The following RPTOR variants were observed in gnomAD, a reference collection of about 807,000 sequenced individuals.
The protein encoded by RPTOR is regulatory associated protein of MTOR complex 1.
In RPTOR, 21 loss-of-function variants were observed where a neutral mutation model predicts 169.9. The observed-to-expected ratio is 0.12, with a 90% CI of 0.09 to 0.18. The LOEUF is 0.18. Ranked by LOEUF, RPTOR falls within the 10% of genes least tolerant of loss-of-function variation. RPTOR has a pLI of 1.00. For synonymous variants in RPTOR, 732 were observed against 753.2 expected, an observed-to-expected ratio of 0.97 and a Z score of 0.46; for missense variants, 1,133 against 1,855.9, an observed-to-expected ratio of 0.61 and a Z score of 7.16.
intron 8 of RPTOR, among the ~76,000 whole-genome samples, 172 bp from the exon 9 acceptor site, chr17:80,822,907 A>ATGTTTAAGTGTGTGTACGTGTG (rs1166166763): frequency 6.6e-6 from 1 of 151,972 alleles, no homozygotes; most frequent in Non-Finnish European, 1.5e-5. Context: ...ACGTGTGTGT[A>ATGTTTAAGTGTGTGTACGTGTG]TGTTTAAGTG....
chr17:80,924,469 G>A (rs966788013), intron 23 of RPTOR, among the ~76,000 whole-genome samples: 2 of 152,170 alleles, frequency 1.3e-5, no homozygotes, highest in African/African-American at 2.4e-5. Flanking sequence ...GAACGGCCAT[G>A]TTGGGGTAGA....
intron 24 of RPTOR, among the ~76,000 whole-genome samples, chr17:80,929,363 G>A (rs1252847951): frequency 6.6e-6 from 1 of 152,270 alleles, no homozygotes; most frequent in Non-Finnish European, 1.5e-5. Context: ...TGGAGTTGGA[G>A]CCAGGCAAGG....
rs181675590 is a variant in RPTOR at position 80,693,605 on chromosome 17, G to A, written c.349-14236G>A. On this transcript the variant is annotated intron_variant, in intron 3 of 33. Transcript: ENST00000306801. ...GGCAGACACGTGTTGAGAACATTAC[G>A]AGTTACTGTGACCTTGTAGTCCCTT... 1.9e-3 allele frequency among the ~76,000 whole-genome samples: 297 copies of A among 152,310 alleles called. 1 individual carries two copies. Among genetic ancestry groups the A allele is most frequent in the Non-Finnish European group, 3.6e-3 (244 of 68,024 alleles).
At chr17:80,676,182 C>T (rs1409152908) in intron 3 of RPTOR, among the ~76,000 whole-genome samples, 6 of 152,066 alleles carry the variant, frequency 3.9e-5, no homozygotes, top group African/African-American at 9.7e-5. Flanking sequence ...AGGAGTTTGT[C>T]GTGTTTATGC....
At chr17:80,546,381 C>T (rs2084275018) in intron 1 of RPTOR, among the ~76,000 whole-genome samples, 1 of 152,174 alleles carries the variant, frequency 6.6e-6, no homozygotes. Context: ...AACAGGATTT[C>T]TTTAATCGTG....
intron 20 of RPTOR, among the ~76,000 whole-genome samples, chr17:80,906,881 G>A (rs535440981): frequency 4.6e-5 from 7 of 152,204 alleles, no homozygotes; most frequent in Admixed American, 1.3e-4. Flanking sequence ...CAGGAGCCAC[G>A]GGCATGGGGC....
In RPTOR at chr17:80,646,403, C is replaced by T. The variant is rs562257321; in HGVS notation, c.348+2593C>T. 3.3e-5 allele frequency among the ~76,000 whole-genome samples: 5 copies of T among 152,244 alleles called. No homozygotes were observed. The highest frequency in any genetic ancestry group is 5.9e-5 in the Non-Finnish European group (4 of 68,028). On this transcript the variant is annotated intron_variant, in intron 3 of 33. Transcript: ENST00000306801. This position sits in a 1 kb window ranked among gnomAD's most constrained non-coding sequence, Gnocchi z 5.0. ...TAATAATAGCACTTGCCCCGGTGCGCGTGGCACACTGCTCCTCACAGCTTT... is the reference window on the plus strand; with the variant it reads ...TAATAATAGCACTTGCCCCGGTGCGTGTGGCACACTGCTCCTCACAGCTTT...
In RPTOR at chr17:80,860,876, T is replaced by A. The variant is rs2067910497; in HGVS notation, c.1509+2976T>A. ...CGGGTCGGCTACCGTGCTTGCCATC[T>A]CTCCCAGCTGCTCCTGATTTCCTGA... On this transcript the variant is annotated intron_variant, in intron 13 of 33. Coordinates refer to ENST00000306801, the MANE Select transcript of RPTOR (RefSeq NM_020761.3). This position sits in a 1 kb window ranked among gnomAD's most constrained non-coding sequence, Gnocchi z 5.8. 6.9e-6 allele frequency among the ~76,000 whole-genome samples: 1 copy of A among 145,500 alleles called. No homozygotes were observed. The highest frequency in any genetic ancestry group is 1.6e-5 in the Non-Finnish European group (1 of 64,342).
At chr17:80,889,756 A>T (rs2143860208) in intron 17 of RPTOR, among the ~76,000 whole-genome samples, 1 of 152,328 alleles carries the variant, frequency 6.6e-6, no homozygotes, top group East Asian at 1.9e-4. Flanking sequence ...TGTGCCAGGC[A>T]GCAGCCTCCA....
chr17:80,927,330 C>T (rs1366179378), intron 24 of RPTOR, among the ~76,000 whole-genome samples: 5 of 152,176 alleles, frequency 3.3e-5, no homozygotes, highest in Non-Finnish European at 7.3e-5. Flanking sequence ...GTCTGGTCTT[C>T]GCTCTTGCTG....
rs185948945 is a variant in RPTOR, at chr17:80,646,519, C to T, written c.348+2709C>T. On this transcript the variant is annotated intron_variant, in intron 3 of 33. Coordinates refer to ENST00000306801, the MANE Select transcript of RPTOR (RefSeq NM_020761.3). This position sits in a 1 kb window ranked among gnomAD's most constrained non-coding sequence, Gnocchi z 5.0. ...ACCTCATGCTGCCTTCTAGAGTTTG[C>T]ATGAAACAGGAGGCACTTAGCAAAC... Among the ~76,000 whole-genome samples the T allele has an allele frequency of 1.3e-5, 2 of 152,310 alleles. No homozygotes were observed. The highest frequency in any genetic ancestry group is 3.9e-4 in the East Asian group (2 of 5,188).
At chr17:80,884,049 C>A in intron 16 of RPTOR, 77 bp downstream of exon 16, 2 of 1,429,804 alleles carry the variant, frequency 1.4e-6, no homozygotes. Context: ...TGCTCGCGTG[C>A]GGGTGTGGCC....
intron 1 of RPTOR, among the ~76,000 whole-genome samples, chr17:80,567,348 C>G (rs1053669798): frequency 6.6e-6 from 1 of 151,610 alleles, no homozygotes; most frequent in African/African-American, 2.4e-5. Flanking sequence ...TAAGTTATCA[C>G]AGTGTACCTT....
chr17:80,628,073 G>A (rs1223417846), intron 2 of RPTOR, among the ~76,000 whole-genome samples: 1 of 152,036 alleles, frequency 6.6e-6, no homozygotes, highest in Non-Finnish European at 1.5e-5. Context: ...CCCGACCTCA[G>A]GTGATCCACC....
intron 24 of RPTOR, among the ~76,000 whole-genome samples, chr17:80,928,942 C>A (rs1383231003): frequency 1.3e-5 from 2 of 152,150 alleles, no homozygotes; most frequent in Non-Finnish European, 2.9e-5. Context: ...TTGCTTAGGG[C>A]AATTAAGCAG....
rs1225413868 is a variant in RPTOR, at chr17:80,708,448, C to T, written c.507+449C>T. On this transcript the variant is annotated intron_variant, in intron 4 of 33. Coordinates refer to ENST00000306801, the MANE Select transcript of RPTOR (RefSeq NM_020761.3). The surrounding 1 kb of genome is among the most constrained non-coding windows in gnomAD (Gnocchi z 4.2). ...GGTGCAGGCTCTGGGCTTCCCTCCTCAAGGTCAGAATCACCAGCCTTTTGC... is the reference window on the plus strand; with the variant it reads ...GGTGCAGGCTCTGGGCTTCCCTCCTTAAGGTCAGAATCACCAGCCTTTTGC... Among the ~76,000 whole-genome samples the T allele has an allele frequency of 1.3e-5, 2 of 152,234 alleles. No individual in the cohort carries two copies. Among genetic ancestry groups the T allele is most frequent in the African/African-American group, 4.8e-5 (2 of 41,446 alleles).
chr17:80,847,458 T>A (rs2067744666), intron 11 of RPTOR, among the ~76,000 whole-genome samples: 1 of 152,230 alleles, frequency 6.6e-6, no homozygotes, highest in Admixed American at 6.5e-5. Context: ...GAGTTTAAAA[T>A]CCACTGGTCA....
intron 17 of RPTOR, among the ~76,000 whole-genome samples, chr17:80,886,810 CG>C (rs1567968164): frequency 1.9e-4 from 29 of 152,148 alleles, no homozygotes; most frequent in African/African-American, 7.0e-4. Flanking sequence ...CCAACCGGGA[CG>C]CAGCTGTCTC....
intron 7 of RPTOR, among the ~76,000 whole-genome samples, chr17:80,795,355 C>T (rs542395040): frequency 2.6e-5 from 4 of 152,194 alleles, no homozygotes; most frequent in African/African-American, 9.7e-5. Context: ...TTTCATCAGA[C>T]GCCCTTTCCC....
Sources: allele counts gnomAD v4.1 joint callset (sites outside exome capture counted in the v4.1 genomes callset), GRCh38; gene constraint gnomAD v4.1.1; non-coding constraint Gnocchi (gnomAD v3.1); transcripts MANE v1.5; gene names NCBI Gene and HGNC (gene_info 2026-07-23, HGNC 2026-07-21).